Variants in CACNA1E observed in about 807,000 individuals in gnomAD.
CACNA1E encodes calcium voltage-gated channel subunit alpha1 E.
Under a neutral mutation model 259.2 loss-of-function variants are expected in CACNA1E, and 40 were observed. The ratio of observed to expected loss-of-function variants is 0.15; its 90% CI spans 0.12 to 0.20. The LOEUF is 0.20. Among genes scored for constraint, CACNA1E ranks in the 10% least tolerant of loss-of-function variants. CACNA1E has a pLI of 1.00. For synonymous variants in CACNA1E, 1,104 were observed against 1,138.5 expected (o/e 0.97, Z 0.61); for missense variants, 1,874 against 3,040.1 (o/e 0.62, Z 9.02).
chr1:181,728,520 T>C (rs1655128970), intron 18 of CACNA1E, among the ~76,000 whole-genome samples: 1 of 152,198 alleles, frequency 6.6e-6, no homozygotes, highest in African/African-American at 2.4e-5. Context: ...CGCTCAGCTG[T>C]GTACACTCTG....
At chr1:181,726,239 T>C in intron 18 of CACNA1E, 77 bp downstream of exon 18, 1 of 1,023,256 alleles carries the variant, frequency 9.8e-7, no homozygotes, top group African/African-American at 1.6e-5. Flanking sequence ...GAACTATTGG[T>C]TATAGGAGTG....
intron 1 of CACNA1E, among the ~76,000 whole-genome samples, chr1:181,399,603 G>A (rs1656942570): frequency 6.6e-6 from 1 of 152,236 alleles, no homozygotes; most frequent in South Asian, 2.1e-4. Flanking sequence ...TTCAAAGACT[G>A]AATGACTGTG....
intron 22 of CACNA1E, 126 bp downstream of exon 22, chr1:181,736,560 A>G (rs1412468172): frequency 5.8e-6 from 5 of 856,146 alleles, no homozygotes; most frequent in Non-Finnish European, 8.9e-6. Context: ...CTGGTGGAGC[A>G]TGGCCAGACA....
At chr1:181,545,210 G>T (rs1357663334) in intron 3 of CACNA1E, among the ~76,000 whole-genome samples, 1 of 152,164 alleles carries the variant, frequency 6.6e-6, no homozygotes, top group Non-Finnish European at 1.5e-5. Flanking sequence ...AAACAGGTTG[G>T]GTGGAGCCTT....
rs1385810312 is a variant in CACNA1E, at chr1:181,337,122, T to C, written c.-15+18999T>C. 4.0e-5 allele frequency among the ~76,000 whole-genome samples: 6 copies of C among 151,796 alleles called. No homozygotes were observed. The East Asian group carries it at 9.6e-4, about 24-fold the overall frequency. On this transcript the variant is annotated intron_variant, in intron 1 of 11. Coordinates refer to the CACNA1E transcript ENST00000524607. ...TTAACATATTCTTCACCATACATAGTTCCTTTTTTGTGTGGTAGGAGCACT... is the reference window on the plus strand; with the variant it reads ...TTAACATATTCTTCACCATACATAGCTCCTTTTTTGTGTGGTAGGAGCACT...
intron 3 of CACNA1E, among the ~76,000 whole-genome samples, chr1:181,540,152 T>TA (rs1463901821): frequency 1.3e-5 from 2 of 152,186 alleles, no homozygotes; most frequent in Non-Finnish European, 2.9e-5. Flanking sequence ...TCCCCCGATG[T>TA]AAACGCATTT....
intron 3 of CACNA1E, among the ~76,000 whole-genome samples, chr1:181,549,558 T>C (rs1321267104): frequency 1.3e-5 from 2 of 152,202 alleles, no homozygotes; most frequent in Non-Finnish European, 2.9e-5. Context: ...TCCCTTATAA[T>C]GATGATGCTG....
At chr1:181,332,651 A>C (rs1003109918) in intron 1 of CACNA1E, among the ~76,000 whole-genome samples, 19 of 152,256 alleles carry the variant, frequency 1.2e-4, no homozygotes, top group Admixed American at 2.0e-4. Context: ...TGGGGAGCAC[A>C]TATTGACTTT....
intron 6 of CACNA1E, among the ~76,000 whole-genome samples, chr1:181,611,586 C>T (rs1238062558): frequency 2.0e-5 from 3 of 152,070 alleles, no homozygotes; most frequent in African/African-American, 7.2e-5. Context: ...ACCTGAGGTA[C>T]ACAGAAGTGA....
At chr1:181,527,909 C>T (rs1667481214) in intron 3 of CACNA1E, among the ~76,000 whole-genome samples, 1 of 150,986 alleles carries the variant, frequency 6.6e-6, no homozygotes, top group Admixed American at 6.6e-5. Context: ...ATTTATTAGA[C>T]TTTATTACTG....
chr1:181,499,799 A>G (rs956816908), intron 1 of CACNA1E, among the ~76,000 whole-genome samples: 2 of 152,224 alleles, frequency 1.3e-5, no homozygotes, highest in African/African-American at 4.8e-5. Flanking sequence ...TGGTCCAGCC[A>G]TGGCTGAGAT....
chr1:181,654,844 C>T (rs980613106), intron 7 of CACNA1E, among the ~76,000 whole-genome samples: 10 of 151,868 alleles, frequency 6.6e-5, no homozygotes, highest in Non-Finnish European at 1.5e-4. Flanking sequence ...ATTAGCCGGG[C>T]GAGGTGGCGG....
At chr1:181,530,670 G>A (rs1020079529) in intron 3 of CACNA1E, among the ~76,000 whole-genome samples, 2 of 152,182 alleles carry the variant, frequency 1.3e-5, no homozygotes, top group African/African-American at 4.8e-5. Context: ...GAAAATGTCT[G>A]GTAACTTTAT....
At chr1:181,696,022 A>G (rs1185533101) in intron 7 of CACNA1E, among the ~76,000 whole-genome samples, 3 of 152,158 alleles carry the variant, frequency 2.0e-5, no homozygotes, top group Non-Finnish European at 4.4e-5. Context: ...TTAATTTGAG[A>G]ATATCTTTGC....
chr1:181,685,316 T>G (rs1369020851), intron 7 of CACNA1E, among the ~76,000 whole-genome samples: 2 of 151,552 alleles, frequency 1.3e-5, no homozygotes, highest in Non-Finnish European at 2.9e-5. Context: ...CAAGTTGTTG[T>G]GCAACCATAT....
chr1:181,596,330 A>T (rs1474962731), intron 6 of CACNA1E, among the ~76,000 whole-genome samples: 1 of 152,210 alleles, frequency 6.6e-6, no homozygotes, highest in Non-Finnish European at 1.5e-5. Flanking sequence ...CTAGGAGTGC[A>T]GATTGCACAA....
In CACNA1E at chr1:181,733,578, T is replaced by G. The variant is rs746949281; in HGVS notation, c.3090T>G (p.Ser1030Arg). 3.7e-6 allele frequency: 6 copies of G among 1,612,788 alleles called. No individual in the cohort carries two copies. The Admixed American group carries it at 1.0e-4, about 27-fold the overall frequency. ...CGGAGCAGGAGCCAGAAGGCAGCAG[T>G]GAGCAGGCCCTGCTGGGGAATGTGC... Reference protein sequence around the residue: ...VLTEQEPEGSSEQALLGNVQL... With the variant: ...VLTEQEPEGSREQALLGNVQL... Residue 1030 changes from serine (S) to arginine (R), a missense_variant, in exon 21 of 48, where the codon AGT (serine) becomes AGG (arginine). Coordinates refer to ENST00000367573, the MANE Select transcript of CACNA1E (RefSeq NM_001205293.3).
intron 22 of CACNA1E, among the ~76,000 whole-genome samples, chr1:181,736,828 T>C (rs1380705185): frequency 6.6e-6 from 1 of 151,766 alleles, no homozygotes; most frequent in Non-Finnish European, 1.5e-5. Flanking sequence ...CCTGTTGGAG[T>C]TGAGAATTTT....
intron 6 of CACNA1E, among the ~76,000 whole-genome samples, chr1:181,639,628 G>A (rs532576913): frequency 6.6e-6 from 1 of 152,312 alleles, no homozygotes; most frequent in African/African-American, 2.4e-5. Flanking sequence ...ATGAACGGCA[G>A]AGAGAGCTAT....
Sources: gnomAD v4.1 joint callset for allele counts (sites outside exome capture counted in the v4.1 genomes callset) on GRCh38, gnomAD v4.1.1 for gene constraint, MANE v1.5 for transcripts, NCBI Gene and HGNC (gene_info 2026-07-23, HGNC 2026-07-21) for gene names.